The following ADAM33 variants were observed in gnomAD, a reference collection of about 807,000 sequenced individuals.
The protein encoded by ADAM33 is disintegrin and metalloproteinase domain-containing protein 33.
Under a neutral mutation model 106.2 loss-of-function variants are expected in ADAM33, and 103 were observed. The observed-to-expected ratio is 0.97, with a 90% CI of 0.83 to 1.14. The LOEUF (loss-of-function observed/expected upper bound fraction) is 1.14, where lower values mean the gene tolerates loss of function less well. ADAM33 is among the 50% of genes most tolerant of loss of function. The probability of loss-of-function intolerance (pLI) is 0.00; values close to 1 mark genes in which losing one functional copy is unlikely to be tolerated. For missense variants in ADAM33, 1,120 were observed against 1,096.6 expected, an observed-to-expected ratio of 1.02 and a Z score of -0.30; for synonymous variants, 483 against 453.0, an observed-to-expected ratio of 1.07 and a Z score of -0.84.
chr20:3,679,103 T>C (rs1351265551), intron 2 of ADAM33, among the ~76,000 whole-genome samples: 1 of 150,136 alleles, frequency 6.7e-6, no homozygotes, highest in African/African-American at 2.5e-5. Context: ...TCACATGTTC[T>C]GGTCAACTTT....
At chr20:3,674,376 T>C in intron 6 of ADAM33, 92 bp from the exon 7 acceptor site, 1 of 1,604,556 alleles carries the variant, frequency 6.2e-7, no homozygotes, top group Non-Finnish European at 8.5e-7. Flanking sequence ...TTTAACATGT[T>C]TTCTGGAACT....
intron 19 of ADAM33, 102 bp downstream of exon 19, chr20:3,670,904 G>T: frequency 7.1e-7 from 1 of 1,412,554 alleles, no homozygotes; most frequent in Non-Finnish European, 9.3e-7. Context: ...CTCTGCACCT[G>T]GGGGCAAGGC....
chr20:3,674,106 G>A lies in ADAM33; in HGVS notation c.696C>T (p.His232=), dbSNP rs1489407823. 1 of 1,614,212 alleles carries A rather than the reference G, an allele frequency of 6.2e-7. No individual in the cohort carries two copies. The change falls in exon 8 of 22, where the codon CAC becomes CAT. Residue 232 remains histidine, a synonymous_variant. Transcript: ENST00000356518. ...CGACTTCCAGGAGACGCTGTTTGGT[G>A]TGGTTCAAGTTTCGGTGCCGAGTCA... The part of the protein sequence containing the change: ...LFLTRHRNLN[H]TKQRLLEVAN...
Position 3,677,068 on chromosome 20 carries a change from G to GGTTCTTCTCCAGC in ADAM33, c.240_252dup (p.His85AlafsTer266). On this transcript the variant is annotated frameshift_variant and splice_region_variant, in exon 3 of 22. Coordinates refer to ENST00000356518, the MANE Select transcript of ADAM33 (RefSeq NM_025220.5). LOFTEE classifies it high-confidence loss of function. ...GCCCTACCCCAGCCTGGCACTCACTGGTTCTTCTCCAGCTCAAGCAGGAGC... is the reference window on the plus strand; with the variant it reads ...GCCCTACCCCAGCCTGGCACTCACTGGTTCTTCTCCAGCGTTCTTCTCCAGCTCAAGCAGGAGC... The GGTTCTTCTCCAGC allele has an allele frequency of 6.2e-7, 1 of 1,612,698 alleles. No homozygotes were observed. The highest frequency in any genetic ancestry group is 8.5e-7 in the Non-Finnish European group (1 of 1,179,710).
intron 2 of ADAM33, 96 bp from the exon 3 acceptor site, chr20:3,677,239 C>T (rs566351732): frequency 2.7e-6 from 3 of 1,108,194 alleles, no homozygotes; most frequent in East Asian, 2.9e-5. Context: ...GGAGGAAGTT[C>T]TTGGGGAGAA....
At chr20:3,681,142 T>C (rs1431234538) in intron 1 of ADAM33, among the ~76,000 whole-genome samples, 1 of 152,082 alleles carries the variant, frequency 6.6e-6, no homozygotes, top group African/African-American at 2.4e-5. Context: ...GCATGCCCCC[T>C]CCCTGGTTGC....
At chr20:3,672,940 C>T (rs2280092) in intron 11 of ADAM33, 42 bp from the exon 12 acceptor site, 202,511 of 1,493,080 alleles carry the variant, frequency 0.14, 14,716 homozygotes, top group African/African-American at 0.26. Flanking sequence ...GGGACAGTCC[C>T]CCAACCCCCG....
rs1313997055 is a variant in ADAM33 at position 3,668,785 on chromosome 20, T to C, written c.*178A>G. Reference sequence around the variant, plus strand: ...TTCTCCAGCCCTCAGGAACTTCTAATGTGGCTCTGGGTTCCTGGAGTGGGT... The same window carrying C: ...TTCTCCAGCCCTCAGGAACTTCTAACGTGGCTCTGGGTTCCTGGAGTGGGT... On this transcript the variant is annotated 3_prime_UTR_variant, in exon 22 of 22. Transcript: ENST00000356518. The C allele has an allele frequency of 1.4e-6, 1 of 722,256 alleles. No individual in the cohort carries two copies. Among genetic ancestry groups the C allele is most frequent in the Non-Finnish European group, 2.4e-6 (1 of 408,514 alleles). The allele number at this position is 722,256 out of a possible 1,614,324, so 44.7% of individuals were successfully genotyped here.
In ADAM33 at chr20:3,671,061, C is replaced by T. The variant is rs1336119802; in HGVS notation, c.2185G>A (p.Gly729Arg). The T allele has an allele frequency of 1.3e-6, 2 of 1,569,412 alleles. No homozygotes were observed. Among genetic ancestry groups the T allele is most frequent in the Admixed American group, 3.8e-5 (2 of 53,112 alleles). The part of the protein sequence containing the change: ...GLAWCCYRLP[G>R]AHLQRCSWGC... ...CAGCTGCATCGCTGCAGATGGGCTC[C>T]TGGGAGTCGGTAGCAACACCAGGCC... Residue 729 changes from glycine to arginine, a missense_variant, in exon 19 of 22, where the codon GGA (glycine) becomes AGA (arginine). By Grantham distance (125) the Gly-to-Arg change is moderately radical. Transcript: ENST00000356518.
chr20:3,673,930 T>C lies in ADAM33; in HGVS notation c.739-19A>G. On this transcript the variant is annotated intron_variant, in intron 8 of 21. Coordinates refer to ENST00000356518, the MANE Select transcript of ADAM33 (RefSeq NM_025220.5). ...TGAGAAGCTGAGGGCGAGGCGGGGC[T>C]GAAGCCGGGACAGGGCGCCCCATCG... is the stretch of plus-strand genomic sequence containing the variant. The C allele has an allele frequency of 6.4e-7, 1 of 1,569,694 alleles. No individual in the cohort carries two copies. The highest frequency in any genetic ancestry group is 8.6e-7 in the Non-Finnish European group (1 of 1,162,888).
chr20:3,674,994 C>A, intron 4 of ADAM33, 33 bp downstream of exon 4: 1 of 1,612,948 alleles, frequency 6.2e-7, no homozygotes, highest in South Asian at 1.1e-5. Flanking sequence ...GTACCTCTGG[C>A]GGTGCATCCC....
chr20:3,668,795 G>A lies in ADAM33; in HGVS notation c.*168C>T, dbSNP rs2087343757. The A allele has an allele frequency of 1.3e-6, 1 of 766,924 alleles. No homozygotes were observed. Among genetic ancestry groups the A allele is most frequent in the East Asian group, 2.5e-5 (1 of 40,078 alleles). 47.5% of individuals were successfully genotyped at this position (766,924 alleles called of 1,614,324 possible). On this transcript the variant is annotated 3_prime_UTR_variant, in exon 22 of 22. Transcript: ENST00000356518. ...CTCAGGAACTTCTAATGTGGCTCTG[G>A]GTTCCTGGAGTGGGTGGGTCGAAGC...
At chr20:3,679,459 C>T (rs771584738) in intron 2 of ADAM33, 33 bp downstream of exon 2, 9 of 1,582,192 alleles carry the variant, frequency 5.7e-6, no homozygotes, top group East Asian at 2.3e-5. Flanking sequence ...AGGTTCAGGG[C>T]CCCTGTGGAG....
At chr20:3,670,721 G>A (rs1432878395) in intron 19 of ADAM33, 3 of 417,162 alleles carry the variant, frequency 7.2e-6, no homozygotes, top group South Asian at 4.8e-5. Flanking sequence ...CAAGGGTGAG[G>A]CAGCCAGCTG....
At chr20:3,681,554 G>A (rs530479349) in intron 1 of ADAM33, among the ~76,000 whole-genome samples, 39 of 152,110 alleles carry the variant, frequency 2.6e-4, no homozygotes, top group Admixed American at 8.5e-4. Flanking sequence ...GGTGGCCTGC[G>A]GATGGAAGCT....
At chr20:3,670,956 A>G (rs112912988) in intron 19 of ADAM33, 50 bp downstream of exon 19, 6 of 1,507,404 alleles carry the variant, frequency 4.0e-6, no homozygotes, top group African/African-American at 1.4e-5. Context: ...CAGAGCTCTG[A>G]GGAGGGGAAC....
At position 3,674,772 on chromosome 20, in the gene ADAM33, C is replaced by A. The variant is rs371314056; in HGVS notation, c.410+1G>T. On this transcript the variant is annotated splice_donor_variant, in intron 5 of 21. Coordinates refer to ENST00000356518, the MANE Select transcript of ADAM33 (RefSeq NM_025220.5). LOFTEE classifies it high-confidence loss of function. ...GCCCAGCCTCCTCTCCCAGAGCTCA[C>A]CTCATCCCAGAGCAGGTGCAGAGGA... 8.2e-5 allele frequency: 132 copies of A among 1,605,762 alleles called. No homozygotes were observed. Among genetic ancestry groups the A allele is most frequent in the Non-Finnish European group, 1.1e-4 (129 of 1,175,980 alleles).
chr20:3,677,319 G>T (rs1309615613), intron 2 of ADAM33, among the ~76,000 whole-genome samples, 176 bp from the exon 3 acceptor site: 1 of 152,192 alleles, frequency 6.6e-6, no homozygotes, highest in Non-Finnish European at 1.5e-5. Flanking sequence ...AACATACAAA[G>T]ATGTTCCCAA....
Position 3,673,917 on chromosome 20 carries a change from G to A in ADAM33, c.739-6C>T, listed in dbSNP as rs749324497. 7.0e-6 allele frequency: 11 copies of A among 1,564,816 alleles called. 2 individuals are homozygous for A. The South Asian group carries it at 1.2e-4, about 17-fold the overall frequency. On this transcript the variant is annotated splice_polypyrimidine_tract_variant and splice_region_variant and intron_variant, in intron 8 of 21. Coordinates refer to ENST00000356518, the MANE Select transcript of ADAM33 (RefSeq NM_025220.5). Reference sequence around the variant, plus strand: ...ATGTCCAGAGTCCTGAGAAGCTGAGGGCGAGGCGGGGCTGAAGCCGGGACA... The same window carrying A: ...ATGTCCAGAGTCCTGAGAAGCTGAGAGCGAGGCGGGGCTGAAGCCGGGACA...
Sources: gnomAD v4.1 joint callset for allele counts (sites outside exome capture counted in the v4.1 genomes callset) on GRCh38, gnomAD v4.1.1 for gene constraint, MANE v1.5 for transcripts, NCBI Gene and HGNC (gene_info 2026-07-23, HGNC 2026-07-21) for gene names.